The following STXBP5L variants were observed in gnomAD, a reference collection of about 807,000 sequenced individuals.
STXBP5L encodes syntaxin-binding protein 5-like.
Under a neutral mutation model 144.5 loss-of-function variants are expected in STXBP5L, and 65 were observed. That is an observed-to-expected ratio of 0.45 (90% CI 0.37 to 0.55). The LOEUF is 0.55. Among genes scored for constraint, STXBP5L ranks in the 20% least tolerant of loss-of-function variants. STXBP5L has a pLI of 0.00. For missense variants in STXBP5L, 1,298 were observed against 1,405.5 expected (o/e 0.92, Z 1.22); for synonymous variants, 505 against 469.6 (o/e 1.08, Z -0.97).
chr3:121,206,216 A>G (rs921913591), intron 10 of STXBP5L, among the ~76,000 whole-genome samples: 3 of 152,210 alleles, frequency 2.0e-5, no homozygotes, highest in Non-Finnish European at 4.4e-5. Flanking sequence ...AGGATTCTTA[A>G]TGAACATTTA....
At position 121,240,551 on chromosome 3, in the gene STXBP5L, G is replaced by T. The variant is rs754619206; in HGVS notation, c.1400+44G>T. ...TGAGTTATTAGTTCATCAACAAAAAGATGTTTACTGAGTCTTGATACTTTT... is the reference window on the plus strand; with the variant it reads ...TGAGTTATTAGTTCATCAACAAAAATATGTTTACTGAGTCTTGATACTTTT... On this transcript the variant is annotated intron_variant, in intron 14 of 26. Coordinates refer to ENST00000471454, the MANE Select transcript of STXBP5L (RefSeq NM_001308330.2). The T allele has an allele frequency of 2.2e-5, 34 of 1,548,538 alleles. No individual in the cohort carries two copies. In the South Asian group the frequency reaches 3.8e-4, roughly 17 times the overall value.
chr3:120,939,845 G>A (rs905275188), intron 2 of STXBP5L, among the ~76,000 whole-genome samples: 1 of 152,042 alleles, frequency 6.6e-6, no homozygotes, highest in Non-Finnish European at 1.5e-5. Context: ...AGTACAGATG[G>A]AATTGGAAGG....
At chr3:120,967,421 G>T (rs533131006) in intron 3 of STXBP5L, among the ~76,000 whole-genome samples, 5 of 152,142 alleles carry the variant, frequency 3.3e-5, no homozygotes, top group Admixed American at 2.6e-4. Flanking sequence ...TTCCTATTCG[G>T]CCATCTTCAG....
intron 3 of STXBP5L, among the ~76,000 whole-genome samples, chr3:120,995,231 T>G (rs1943244478): frequency 6.6e-6 from 1 of 152,180 alleles, no homozygotes; most frequent in Non-Finnish European, 1.5e-5. Context: ...CACAGCAACC[T>G]TGACCTTCTA....
intron 19 of STXBP5L, among the ~76,000 whole-genome samples, chr3:121,287,793 C>T (rs1187154574): frequency 2.0e-5 from 3 of 152,024 alleles, no homozygotes; most frequent in South Asian, 2.1e-4. Context: ...CGCGCCACTG[C>T]ACTCCAGCCT....
chr3:121,004,599 T>C (rs1167730090), intron 3 of STXBP5L, among the ~76,000 whole-genome samples: 2 of 151,598 alleles, frequency 1.3e-5, no homozygotes, highest in African/African-American at 2.4e-5. Flanking sequence ...TGAATAGGAG[T>C]GGTGAGAGAG....
chr3:121,098,358 G>C (rs530702823), intron 5 of STXBP5L, among the ~76,000 whole-genome samples: 1 of 152,276 alleles, frequency 6.6e-6, no homozygotes, highest in African/African-American at 2.4e-5. Flanking sequence ...GAGCAAGAGA[G>C]AGAGGCAGGA....
intron 20 of STXBP5L, among the ~76,000 whole-genome samples, chr3:121,374,958 T>C (rs1302144782): frequency 6.8e-6 from 1 of 147,552 alleles, no homozygotes; most frequent in Non-Finnish European, 1.5e-5. Context: ...GGGAGCTAAA[T>C]AATTTGTACA....
intron 7 of STXBP5L, among the ~76,000 whole-genome samples, chr3:121,129,137 C>G (rs1044218755): frequency 6.6e-6 from 1 of 151,958 alleles, no homozygotes; most frequent in Non-Finnish European, 1.5e-5. Flanking sequence ...CACAGTAGAT[C>G]TAGTGGGTAT....
At chr3:121,407,088 A>G (rs181669780) in intron 22 of STXBP5L, among the ~76,000 whole-genome samples, 155 bp from the exon 23 acceptor site, 75 of 152,126 alleles carry the variant, frequency 4.9e-4, no homozygotes, top group Non-Finnish European at 8.5e-4. Flanking sequence ...ATTCCAACTT[A>G]TTATAACAGA....
chr3:121,048,855 C>A (rs1013972478), intron 5 of STXBP5L, among the ~76,000 whole-genome samples: 1 of 152,046 alleles, frequency 6.6e-6, no homozygotes, highest in African/African-American at 2.4e-5. Flanking sequence ...TCAAGAGGCA[C>A]TGCCCAGTGA....
intron 20 of STXBP5L, among the ~76,000 whole-genome samples, chr3:121,373,592 G>A (rs1225255510): frequency 6.6e-6 from 1 of 152,102 alleles, no homozygotes; most frequent in African/African-American, 2.4e-5. Flanking sequence ...TGCATTTCTG[G>A]CACCTGAGCC....
intron 9 of STXBP5L, among the ~76,000 whole-genome samples, chr3:121,205,263 A>T (rs931435286): frequency 6.6e-6 from 1 of 152,150 alleles, no homozygotes; most frequent in African/African-American, 2.4e-5. Flanking sequence ...GCCAAGATTG[A>T]GGGGCAACAT....
intron 7 of STXBP5L, among the ~76,000 whole-genome samples, chr3:121,140,251 C>A (rs1228850991): frequency 3.3e-5 from 5 of 151,880 alleles, no homozygotes; most frequent in Admixed American, 3.3e-4. Flanking sequence ...ATCAAAAAGA[C>A]AAAAGATAAT....
intron 9 of STXBP5L, among the ~76,000 whole-genome samples, chr3:121,187,962 G>C (rs566942700): frequency 1.3e-5 from 2 of 152,162 alleles, no homozygotes; most frequent in East Asian, 3.9e-4. Context: ...ATGGTAAATG[G>C]ATCACTGAAA....
At chr3:121,185,261 G>C (rs1180487402) in intron 9 of STXBP5L, among the ~76,000 whole-genome samples, 1 of 152,222 alleles carries the variant, frequency 6.6e-6, no homozygotes, top group Non-Finnish European at 1.5e-5. Context: ...TGTTCACTCT[G>C]ATGGTAGTTT....
rs866743850 is a variant in STXBP5L, at chr3:121,015,365, C to A, written c.288-26335C>A. ...AGATGTTGATCAGTCTTAAAATTAA[C>A]AACTTTTCTTGGACCTATTAGAGAA... is the stretch of plus-strand genomic sequence containing the variant. On this transcript the variant is annotated intron_variant, in intron 3 of 26. Coordinates refer to ENST00000471454, the MANE Select transcript of STXBP5L (RefSeq NM_001308330.2). 2.0e-5 allele frequency among the ~76,000 whole-genome samples: 3 copies of A among 152,258 alleles called. No individual in the cohort carries two copies. In the Middle Eastern group the frequency reaches 0.01, roughly 521 times the overall value.
intron 3 of STXBP5L, among the ~76,000 whole-genome samples, chr3:121,014,921 A>G (rs970674866): frequency 6.6e-6 from 1 of 152,084 alleles, no homozygotes; most frequent in South Asian, 2.1e-4. Flanking sequence ...TTTAATATTG[A>G]TAAAAATAAT....
chr3:120,982,742 TGTC>T (rs544505537), intron 3 of STXBP5L, among the ~76,000 whole-genome samples: 98 of 152,346 alleles, frequency 6.4e-4, no homozygotes, highest in Admixed American at 1.8e-3. Context: ...GCTGTGATGT[TGTC>T]AGCTGGTTGG....
Sources: gnomAD v4.1 joint callset for allele counts (sites outside exome capture counted in the v4.1 genomes callset) on GRCh38, gnomAD v4.1.1 for gene constraint, MANE v1.5 for transcripts, NCBI Gene and HGNC (gene_info 2026-07-23, HGNC 2026-07-21) for gene names.